The following CSMD2 variants were observed in gnomAD, a reference collection of about 807,000 sequenced individuals.
CSMD2 encodes the protein CUB and Sushi multiple domains 2.
A neutral mutation model predicts 398.5 loss-of-function variants in CSMD2; 130 were observed. That is an observed-to-expected ratio of 0.33 (90% CI 0.28 to 0.38). The LOEUF (loss-of-function observed/expected upper bound fraction) is 0.38, where lower values mean the gene tolerates loss of function less well. Ranked by LOEUF, CSMD2 falls within the 10% of genes least tolerant of loss-of-function variation. The pLI is 1.00. For synonymous variants in CSMD2, 1,828 were observed against 1,908.5 expected, an observed-to-expected ratio of 0.96 and a Z score of 1.10; for missense variants, 3,829 against 4,764.9, an observed-to-expected ratio of 0.80 and a Z score of 5.78.
chr1:33,820,584 A>AAAC (rs1553219424), intron 7 of CSMD2, 28 bp from the exon 8 acceptor site: 1 of 1,132,926 alleles, frequency 8.8e-7, no homozygotes, highest in Non-Finnish European at 1.3e-6. Flanking sequence ...AAAAAAAAAA[A>AAAC]AAAACAGCAC....
chr1:33,546,357 A>T (rs1487578370), intron 56 of CSMD2, 138 bp from the exon 57 acceptor site: 10 of 774,914 alleles, frequency 1.3e-5, no homozygotes, highest in Non-Finnish European at 2.0e-5. Context: ...AGTTACCTGC[A>T]CATGCTCCTG....
chr1:33,750,234 A>G (rs1163807837), intron 13 of CSMD2, among the ~76,000 whole-genome samples: 3 of 152,150 alleles, frequency 2.0e-5, no homozygotes, highest in Non-Finnish European at 2.9e-5. Flanking sequence ...CTGGAACTTA[A>G]AACCATTGCA....
At chr1:33,652,119 G>A (rs1056457199) in intron 28 of CSMD2, among the ~76,000 whole-genome samples, 2 of 152,192 alleles carry the variant, frequency 1.3e-5, no homozygotes, top group African/African-American at 4.8e-5. Flanking sequence ...AGGATTAGAT[G>A]TGATGATATG....
intron 1 of CSMD2, among the ~76,000 whole-genome samples, chr1:34,099,540 G>A (rs74068050): frequency 6.6e-6 from 1 of 152,196 alleles, no homozygotes; most frequent in East Asian, 1.9e-4. Context: ...AAGAATCTGG[G>A]TGTGAATGGC....
chr1:33,692,796 G>T, intron 25 of CSMD2, 134 bp downstream of exon 25: 1 of 1,128,530 alleles, frequency 8.9e-7, no homozygotes, highest in Non-Finnish European at 1.3e-6. Flanking sequence ...ATCCAGTATA[G>T]CAACCACTAT....
At chr1:33,981,079 G>A (rs911415897) in intron 3 of CSMD2, among the ~76,000 whole-genome samples, 3 of 152,188 alleles carry the variant, frequency 2.0e-5, no homozygotes, top group Non-Finnish European at 4.4e-5. Context: ...GCACACTTCT[G>A]TTGGGAGAGA....
chr1:34,081,466 G>C (rs1434371446), intron 2 of CSMD2, among the ~76,000 whole-genome samples: 1 of 142,712 alleles, frequency 7.0e-6, no homozygotes, highest in African/African-American at 2.6e-5. Context: ...GTCTCTCTCT[G>C]TTGCCGAGGC....
At chr1:33,788,574 T>TC in intron 12 of CSMD2, 26 bp downstream of exon 12, 2 of 1,282,156 alleles carry the variant, frequency 1.6e-6, no homozygotes, top group Non-Finnish European at 2.3e-6. Flanking sequence ...AGGACACAGT[T>TC]CATCTGGCTT....
chr1:33,723,046 A>G (rs527261853), intron 19 of CSMD2, among the ~76,000 whole-genome samples: 2 of 152,340 alleles, frequency 1.3e-5, no homozygotes, highest in Non-Finnish European at 2.9e-5. Flanking sequence ...TCACACGTAC[A>G]CAGGCATGTG....
chr1:33,997,632 G>A lies in CSMD2; in HGVS notation c.517+34962C>T, dbSNP rs76099097. Among the ~76,000 whole-genome samples the A allele has an allele frequency of 9.6e-3, 1,462 of 152,208 alleles. 13 individuals carry two copies. Among genetic ancestry groups the A allele is most frequent in the Non-Finnish European group, 0.014 (970 of 68,018 alleles). ...GCTTTTAGGTCTTAAAACCCATTAG[G>A]AGTATATTAACAAACGTGCTGAGAG... On this transcript the variant is annotated intron_variant, in intron 3 of 70. Coordinates refer to ENST00000373381, the MANE Select transcript of CSMD2 (RefSeq NM_001281956.2).
chr1:33,521,685 A>T, intron 67 of CSMD2, 135 bp from the exon 68 acceptor site: 1 of 681,118 alleles, frequency 1.5e-6, no homozygotes. Flanking sequence ...TTCTCTGCCC[A>T]CACCTAGGCA....
At position 33,559,246 on chromosome 1, in the gene CSMD2, A is replaced by G; in HGVS notation, c.8554+54T>C. On this transcript the variant is annotated intron_variant, in intron 54 of 70. Transcript: ENST00000373381. This position sits in a 1 kb window ranked among gnomAD's most constrained non-coding sequence, Gnocchi z 4.0. Reference sequence around the variant, plus strand: ...CTGGCTTCTTTTTCTGAGCTACAGAACCACATATAGCAGAGATGGTGGGGA... The same window carrying G: ...CTGGCTTCTTTTTCTGAGCTACAGAGCCACATATAGCAGAGATGGTGGGGA... 6.8e-7 allele frequency: 1 copy of G among 1,470,014 alleles called. No homozygotes were observed. Among genetic ancestry groups the G allele is most frequent in the African/African-American group, 1.4e-5 (1 of 71,956 alleles). The allele number at this position is 1,470,014 out of a possible 1,614,324, so 91.1% of individuals were successfully genotyped here.
chr1:33,835,978 C>A (rs1309554698), intron 6 of CSMD2, among the ~76,000 whole-genome samples: 1 of 152,094 alleles, frequency 6.6e-6, no homozygotes, highest in Admixed American at 6.5e-5. Flanking sequence ...TCTGTTTTTT[C>A]CCCATCTTTG....
intron 3 of CSMD2, among the ~76,000 whole-genome samples, chr1:33,976,967 G>A (rs1645989017): frequency 6.6e-6 from 1 of 151,952 alleles, no homozygotes; most frequent in African/African-American, 2.4e-5. Context: ...ATGGGATATG[G>A]GGGAGGGTGT....
At chr1:33,623,243 C>A in intron 36 of CSMD2, 127 bp downstream of exon 36, 1 of 692,562 alleles carries the variant, frequency 1.4e-6, no homozygotes, top group East Asian at 2.7e-5. Flanking sequence ...CTGATGTGTC[C>A]ACTTGAAAAT....
chr1:33,713,125 A>C (rs78067930), intron 21 of CSMD2, among the ~76,000 whole-genome samples: 4,601 of 152,274 alleles, frequency 0.03, 201 homozygotes, highest in African/African-American at 0.1. Context: ...TCTGTTTTAT[A>C]AACAAGGAAG....
chr1:33,851,778 C>G (rs1391096976), intron 5 of CSMD2, among the ~76,000 whole-genome samples: 1 of 152,124 alleles, frequency 6.6e-6, no homozygotes, highest in African/African-American at 2.4e-5. Context: ...CTTGCTATGT[C>G]AAGATAAATT....
At chr1:33,718,789 C>T (rs756008111) in intron 19 of CSMD2, among the ~76,000 whole-genome samples, 1 of 152,204 alleles carries the variant, frequency 6.6e-6, no homozygotes, top group African/African-American at 2.4e-5. Context: ...GCCTCTAATG[C>T]TAAAGCATTT....
intron 24 of CSMD2, among the ~76,000 whole-genome samples, chr1:33,696,093 T>C (rs1368855596): frequency 2.0e-5 from 3 of 152,242 alleles, no homozygotes; most frequent in Non-Finnish European, 4.4e-5. Context: ...GCTTAACGTT[T>C]ATTGAATTAA....
Sources: gnomAD v4.1 joint callset for allele counts (sites outside exome capture counted in the v4.1 genomes callset) on GRCh38, gnomAD v4.1.1 for gene constraint, Gnocchi (gnomAD v3.1) non-coding constraint, MANE v1.5 for transcripts, NCBI Gene and HGNC (gene_info 2026-07-23, HGNC 2026-07-21) for gene names.